The following RGS21 variants were observed in gnomAD, a reference collection of about 807,000 sequenced individuals.
RGS21 encodes regulator of G protein signaling 21.
Under a neutral mutation model 18.7 loss-of-function variants are expected in RGS21, and 19 were observed. That is an observed-to-expected ratio of 1.01 (90% confidence interval 0.71 to 1.49). The LOEUF (loss-of-function observed/expected upper bound fraction) is 1.49. RGS21 is among the 40% of genes most tolerant of loss of function. The probability of loss-of-function intolerance (pLI) is 0.00; values close to 1 mark genes in which losing one functional copy is unlikely to be tolerated. For synonymous variants in RGS21, 56 were observed against 57.8 expected (o/e 0.97, Z 0.14); for missense variants, 194 against 176.8 (o/e 1.10, Z -0.55).
At chr1:192,345,247 C>A (rs1378247514) in intron 2 of RGS21, among the ~76,000 whole-genome samples, 2 of 152,066 alleles carry the variant, frequency 1.3e-5, no homozygotes, top group African/African-American at 2.4e-5. Flanking sequence ...GTCAGCTATT[C>A]TCTCCAACCT....
At chr1:192,357,012 T>C (rs1659120898) in intron 4 of RGS21, among the ~76,000 whole-genome samples, 1 of 151,810 alleles carries the variant, frequency 6.6e-6, no homozygotes, top group South Asian at 2.1e-4. Flanking sequence ...TCCTTCCCCA[T>C]ACTCTGGTAG....
At chr1:192,334,291 G>T (rs1459137209) in intron 1 of RGS21, among the ~76,000 whole-genome samples, 1 of 151,912 alleles carries the variant, frequency 6.6e-6, no homozygotes, top group Non-Finnish European at 1.5e-5. Flanking sequence ...CTCACTTTAG[G>T]TTATCACCTT....
intron 1 of RGS21, among the ~76,000 whole-genome samples, chr1:192,322,649 C>T (rs867988994): frequency 4.6e-5 from 7 of 152,138 alleles, no homozygotes; most frequent in African/African-American, 1.7e-4. Context: ...CCAGACACTT[C>T]CAGCCAGGAT....
chr1:192,361,435 C>T (rs532198565), intron 4 of RGS21, among the ~76,000 whole-genome samples: 4 of 152,080 alleles, frequency 2.6e-5, no homozygotes, highest in Admixed American at 6.6e-5. Flanking sequence ...TTCCACTTCA[C>T]GAACTATTGA....
chr1:192,328,564 T>G (rs769639602), intron 1 of RGS21, among the ~76,000 whole-genome samples: 21 of 152,304 alleles, frequency 1.4e-4, no homozygotes, highest in Non-Finnish European at 2.9e-4. Flanking sequence ...ACTTTTATTT[T>G]TAATGATAAA....
chr1:192,321,132 G>T (rs1658491873), intron 1 of RGS21, among the ~76,000 whole-genome samples: 1 of 151,674 alleles, frequency 6.6e-6, no homozygotes, highest in African/African-American at 2.4e-5. Context: ...TATATTAAAA[G>T]CTATTAATAA....
At chr1:192,333,639 A>C (rs1301995441) in intron 1 of RGS21, among the ~76,000 whole-genome samples, 4 of 74,778 alleles carry the variant, frequency 5.3e-5, no homozygotes, top group Non-Finnish European at 1.1e-4. Flanking sequence ...AAAAAAAAAA[A>C]AAAAAAAAAA....
At chr1:192,325,408 A>T (rs1421787272) in intron 1 of RGS21, among the ~76,000 whole-genome samples, 1 of 152,034 alleles carries the variant, frequency 6.6e-6, no homozygotes, top group Non-Finnish European at 1.5e-5. Context: ...TACTAATGTG[A>T]TGAATATATG....
chr1:192,360,627 G>C (rs1199736438), intron 4 of RGS21, among the ~76,000 whole-genome samples: 1 of 152,008 alleles, frequency 6.6e-6, no homozygotes, highest in East Asian at 1.9e-4. Context: ...GGTTACATTA[G>C]TCCCTGACTT....
intron 4 of RGS21, among the ~76,000 whole-genome samples, chr1:192,360,618 G>C (rs79385221): frequency 0.012 from 1,757 of 152,124 alleles, 19 homozygotes; most frequent in Middle Eastern, 0.061. Context: ...CAAACATGTG[G>C]TTACATTAGT....
chr1:192,331,185 G>T (rs1658642156), intron 1 of RGS21, among the ~76,000 whole-genome samples: 2 of 152,120 alleles, frequency 1.3e-5, no homozygotes, highest in Non-Finnish European at 1.5e-5. Context: ...AAATTTTGTG[G>T]AATTTATTTT....
rs578169692 is a variant in RGS21 at position 192,348,463 on chromosome 1, T to C, written c.88+1074T>C. Reference sequence around the variant, plus strand: ...CAAAATAAAAAATATTTTAAAGTACTTTATATCAACTGTGTTATTCTCACT... The same window carrying C: ...CAAAATAAAAAATATTTTAAAGTACCTTATATCAACTGTGTTATTCTCACT... On this transcript the variant is annotated intron_variant, in intron 3 of 4. Transcript: ENST00000417209. 1.5e-4 allele frequency among the ~76,000 whole-genome samples: 23 copies of C among 152,350 alleles called. No homozygotes were observed. In the South Asian group the frequency reaches 4.6e-3, roughly 30 times the overall value.
At chr1:192,323,404 T>C (rs1658522154) in intron 1 of RGS21, among the ~76,000 whole-genome samples, 1 of 152,114 alleles carries the variant, frequency 6.6e-6, no homozygotes, top group African/African-American at 2.4e-5. Context: ...ACGGCTCTGT[T>C]GCAGGCACGT....
rs552513102 is a variant in RGS21, at chr1:192,349,815, T to C, written c.89-2232T>C. 4.6e-5 allele frequency among the ~76,000 whole-genome samples: 7 copies of C among 152,228 alleles called. No individual in the cohort carries two copies. The South Asian group carries it at 1.5e-3, about 32-fold the overall frequency. On this transcript the variant is annotated intron_variant, in intron 3 of 4. Coordinates refer to ENST00000417209, the MANE Select transcript of RGS21 (RefSeq NM_001039152.3). ...AGTGGAGAGCAAGGGAAAATAATGATTGTATCTTGATCTCTAACTTCCCAT... is the reference window on the plus strand; with the variant it reads ...AGTGGAGAGCAAGGGAAAATAATGACTGTATCTTGATCTCTAACTTCCCAT...
chr1:192,342,938 A>G (rs968139729), intron 1 of RGS21, 39 bp from the exon 2 acceptor site: 3 of 1,189,754 alleles, frequency 2.5e-6, no homozygotes, highest in Non-Finnish European at 2.5e-6. Flanking sequence ...AGGTATTCGC[A>G]TACTAATTGT....
Position 192,341,966 on chromosome 1 carries a change from C to T in RGS21, c.-60-1011C>T, listed in dbSNP as rs938006944. 2.0e-5 allele frequency among the ~76,000 whole-genome samples: 3 copies of T among 151,984 alleles called. 1 individual carries two copies. The highest frequency in any genetic ancestry group is 4.8e-5 in the African/African-American group (2 of 41,398). On this transcript the variant is annotated intron_variant, in intron 1 of 4. Transcript: ENST00000417209. ...TGGTGCTTGAATTAACAAAAGGGAT[C>T]GTGCTGATTGATGATTTCCCTTCTT...
chr1:192,347,195 T>C (rs139381962), intron 2 of RGS21, 118 bp from the exon 3 acceptor site: 5 of 653,524 alleles, frequency 7.7e-6, no homozygotes, highest in Admixed American at 6.3e-5. Flanking sequence ...TTTTTGACAT[T>C]TGGCTGTTTG....
chr1:192,327,253 A>G (rs1658580964), intron 1 of RGS21, among the ~76,000 whole-genome samples: 1 of 152,170 alleles, frequency 6.6e-6, no homozygotes, highest in African/African-American at 2.4e-5. Context: ...TAAGTGCAGT[A>G]TAAAATGTGC....
Position 192,320,022 on chromosome 1 carries a change from T to C in RGS21, c.-61+2917T>C, listed in dbSNP as rs915060175. 1.1e-4 allele frequency among the ~76,000 whole-genome samples: 16 copies of C among 152,058 alleles called. 2 individuals carry two copies. The South Asian group carries it at 1.7e-3, about 16-fold the overall frequency. ...TGGATCCACACAGTGAAGTATTTTA[T>C]AGCAATTAGAAGCAAAGGTCACACA... On this transcript the variant is annotated intron_variant, in intron 1 of 4. Transcript: ENST00000417209.
Sources: allele counts gnomAD v4.1 joint callset (sites outside exome capture counted in the v4.1 genomes callset), GRCh38; gene constraint gnomAD v4.1.1; transcripts MANE v1.5; gene names NCBI Gene and HGNC (gene_info 2026-07-23, HGNC 2026-07-21).